ANKRD6: variants seen among roughly 807,000 people sequenced by gnomAD.
ANKRD6 encodes the protein ankyrin repeat domain 6, also known as ankyrin repeat domain-containing protein 6.
Under a neutral mutation model 82.3 loss-of-function variants are expected in ANKRD6, and 56 were observed. The ratio of observed to expected loss-of-function variants is 0.68; its 90% CI spans 0.55 to 0.85. The LOEUF is 0.85. ANKRD6 is among the 40% of genes least tolerant of loss of function. The pLI is 0.00. For synonymous variants in ANKRD6, 347 were observed against 352.1 expected (o/e 0.99, Z 0.16); for missense variants, 852 against 907.6 (o/e 0.94, Z 0.79).
intron 1 of ANKRD6, among the ~76,000 whole-genome samples, chr6:89,466,024 C>T (rs2127779333): frequency 6.6e-6 from 1 of 152,216 alleles, no homozygotes; most frequent in East Asian, 1.9e-4. Flanking sequence ...AGATAATCCT[C>T]TCCAGTCTTT....
intron 2 of ANKRD6, 28 bp from the exon 3 acceptor site, chr6:89,595,888 G>A (rs781076708): frequency 1.5e-5 from 24 of 1,569,684 alleles, no homozygotes; most frequent in Middle Eastern, 1.7e-4. Context: ...GACTTGTTCC[G>A]AAATCATTGT....
chr6:89,436,680 A>G (rs552460199), intron 1 of ANKRD6, among the ~76,000 whole-genome samples: 1 of 152,338 alleles, frequency 6.6e-6, no homozygotes, highest in African/African-American at 2.4e-5. Flanking sequence ...AGAATAGGGA[A>G]TTCATGTACT....
chr6:89,610,086 C>T (rs1331901656), intron 5 of ANKRD6, among the ~76,000 whole-genome samples: 9 of 152,156 alleles, frequency 5.9e-5, no homozygotes, highest in Non-Finnish European at 1.0e-4. Flanking sequence ...TGGGGAAAAA[C>T]GCCTGCTACA....
chr6:89,484,581 G>T (rs1777158112), intron 1 of ANKRD6, among the ~76,000 whole-genome samples: 1 of 152,170 alleles, frequency 6.6e-6, no homozygotes, highest in South Asian at 2.1e-4. Flanking sequence ...AATGTTTTCA[G>T]ATCTCTCTGT....
At chr6:89,619,324 G>T (rs559930083) in intron 9 of ANKRD6, among the ~76,000 whole-genome samples, 6 of 152,082 alleles carry the variant, frequency 3.9e-5, no homozygotes, top group Admixed American at 3.3e-4. Flanking sequence ...CTGTATAAAC[G>T]TCAGAACCCA....
At chr6:89,441,680 T>G (rs1246481130) in intron 1 of ANKRD6, among the ~76,000 whole-genome samples, 1 of 135,224 alleles carries the variant, frequency 7.4e-6, no homozygotes, top group Non-Finnish European at 1.5e-5. Flanking sequence ...TTGCCCAGGC[T>G]GGAGTGCAAT....
chr6:89,621,872 C>T, intron 9 of ANKRD6, 50 bp from the exon 10 acceptor site: 1 of 1,562,580 alleles, frequency 6.4e-7, no homozygotes, highest in Non-Finnish European at 8.8e-7. Flanking sequence ...TTCTCTCACA[C>T]AGATGCTGCG....
chr6:89,447,853 A>ACTTTTTTTTTTTTTTTTTT (rs1772293870), intron 1 of ANKRD6, among the ~76,000 whole-genome samples: 1 of 54,930 alleles, frequency 1.8e-5, no homozygotes, highest in Non-Finnish European at 3.3e-5. Flanking sequence ...ACGCCCAGCT[A>ACTTTTTTTTTTTTTTTTTT]ATTTTTTTTT....
At chr6:89,515,450 G>T (rs933304166) in intron 1 of ANKRD6, among the ~76,000 whole-genome samples, 3 of 152,126 alleles carry the variant, frequency 2.0e-5, no homozygotes, top group African/African-American at 7.2e-5. Flanking sequence ...TTTTTTGTTT[G>T]TTCAATGTTT....
chr6:89,536,482 C>T (rs1170616684), intron 1 of ANKRD6, among the ~76,000 whole-genome samples: 1 of 152,212 alleles, frequency 6.6e-6, no homozygotes, highest in African/African-American at 2.4e-5. Context: ...GCATTGCTTT[C>T]AGGCTCAGAG....
At chr6:89,608,683 T>A (rs746979246) in intron 5 of ANKRD6, among the ~76,000 whole-genome samples, 2 of 152,126 alleles carry the variant, frequency 1.3e-5, no homozygotes, top group African/African-American at 4.8e-5. Flanking sequence ...GAGAGCATAG[T>A]TAAGCAAGCC....
At chr6:89,523,529 A>G (rs932138076) in intron 1 of ANKRD6, among the ~76,000 whole-genome samples, 10 of 152,162 alleles carry the variant, frequency 6.6e-5, no homozygotes, top group African/African-American at 2.4e-4. Flanking sequence ...TATCCTATTG[A>G]TAACTCGTTC....
At chr6:89,630,190 C>A (rs1807052439) in intron 15 of ANKRD6, among the ~76,000 whole-genome samples, 1 of 152,114 alleles carries the variant, frequency 6.6e-6, no homozygotes, top group African/African-American at 2.4e-5. Context: ...TTAAATGGGA[C>A]CAGTGTGGCT....
chr6:89,533,010 C>T (rs772019997), intron 1 of ANKRD6, among the ~76,000 whole-genome samples: 1 of 151,842 alleles, frequency 6.6e-6, no homozygotes, highest in Non-Finnish European at 1.5e-5. Context: ...AGTAGCTGGG[C>T]TTACAGGCAC....
chr6:89,475,803 C>G (rs1775972922), intron 1 of ANKRD6, among the ~76,000 whole-genome samples: 1 of 152,158 alleles, frequency 6.6e-6, no homozygotes, highest in East Asian at 1.9e-4. Flanking sequence ...AGATTGTCCT[C>G]CAGAAAGGTT....
At chr6:89,533,155 G>A (rs1205712323) in intron 1 of ANKRD6, among the ~76,000 whole-genome samples, 2 of 152,098 alleles carry the variant, frequency 1.3e-5, no homozygotes, top group Non-Finnish European at 2.9e-5. Context: ...GATGACAGGC[G>A]TGAGCCACTG....
At chr6:89,455,066 A>T (rs1457627834) in intron 1 of ANKRD6, among the ~76,000 whole-genome samples, 1 of 150,388 alleles carries the variant, frequency 6.6e-6, no homozygotes, top group Non-Finnish European at 1.5e-5. Context: ...CTGGTCTCGA[A>T]CTCTCGATCT....
intron 6 of ANKRD6, 84 bp from the exon 7 acceptor site, chr6:89,613,708 T>C: frequency 7.8e-7 from 1 of 1,280,220 alleles, no homozygotes. Context: ...GTCTGCTAGC[T>C]TTTAAATAAC....
chr6:89,532,458 A>C (rs558819210), intron 1 of ANKRD6, among the ~76,000 whole-genome samples: 8 of 152,224 alleles, frequency 5.3e-5, no homozygotes, highest in African/African-American at 1.7e-4. Flanking sequence ...GCACTTCCCA[A>C]ATTTCCCTGG....
Sources: gnomAD v4.1 joint callset for allele counts (sites outside exome capture counted in the v4.1 genomes callset) on GRCh38, gnomAD v4.1.1 for gene constraint, MANE v1.5 for transcripts, NCBI Gene and HGNC (gene_info 2026-07-23, HGNC 2026-07-21) for gene names.